Variants in SYNM observed in about 807,000 individuals in gnomAD.
The protein encoded by SYNM is desmuslin.
In SYNM, 95 loss-of-function variants were observed where a neutral mutation model predicts 104.0. The observed-to-expected ratio is 0.91, with a 90% CI of 0.77 to 1.08. SYNM has a LOEUF of 1.08. SYNM is among the 50% of genes least tolerant of loss of function. SYNM has a pLI of 0.00. For synonymous variants in SYNM, 918 were observed against 869.0 expected, an observed-to-expected ratio of 1.06 and a Z score of -0.99; for missense variants, 2,150 against 2,052.2, an observed-to-expected ratio of 1.05 and a Z score of -0.92.
chr15:99,139,831 C>A, downstream of SYNM: 1 of 1,056,324 alleles, frequency 9.5e-7, no homozygotes, highest in Non-Finnish European at 1.3e-6. Flanking sequence ...ATACTCTTGA[C>A]TACACAGCAA....
At chr15:99,115,709 A>C (rs1309434249) in intron 2 of SYNM, among the ~76,000 whole-genome samples, 1 of 151,944 alleles carries the variant, frequency 6.6e-6, no homozygotes, top group Admixed American at 6.6e-5. Context: ...TGATCCACCC[A>C]CCTCGCCGCC....
Position 99,105,797 on chromosome 15 carries a change from C to A in SYNM, c.598C>A (p.Gln200Lys). 2 of 1,541,420 alleles carry A rather than the reference C, an allele frequency of 1.3e-6. No homozygotes were observed. The highest frequency in any genetic ancestry group is 1.7e-6 in the Non-Finnish European group (2 of 1,145,084). ...LVAESWRETV[Q>K]LYEDEVRELE... ...GGCCGAGTCGTGGCGGGAGACGGTG[C>A]AGCTGTACGAGGACGAGGTGCGCGA... is the stretch of plus-strand genomic sequence containing the variant. Residue 200 changes from glutamine (Q) to lysine (K), a missense_variant, in exon 1 of 4, where the codon CAG becomes AAG. Transcript: ENST00000336292.
At chr15:99,113,510 C>G in intron 1 of SYNM, 81 bp from the exon 2 acceptor site, 2 of 1,564,266 alleles carry the variant, frequency 1.3e-6, no homozygotes, top group Non-Finnish European at 1.7e-6. Context: ...TTTTTCAATT[C>G]GATCCTGAAT....
intron 2 of SYNM, among the ~76,000 whole-genome samples, chr15:99,120,562 A>G (rs531995500): frequency 2.0e-4 from 30 of 152,222 alleles, no homozygotes; most frequent in African/African-American, 5.1e-4. Context: ...TCTGGAGACA[A>G]TTGATATGCA....
At chr15:99,139,199 G>T, downstream of SYNM, 1 of 1,296,462 alleles carries the variant, frequency 7.7e-7, no homozygotes, top group South Asian at 1.3e-5. Flanking sequence ...TGCAAGTTAT[G>T]GGAAGTCAGC....
Position 99,130,980 on chromosome 15 carries a change from CGAAG to C in SYNM, c.2623_2626del (p.Arg875GlyfsTer13). On this transcript the variant is annotated frameshift_variant, in exon 4 of 4. Transcript: ENST00000336292. LOFTEE classifies it high-confidence loss of function. ...GCAGGATGAAATCGTGCAGGGGACT[CGAAG>C]GAGGACACAGAAGGACGGTGCAGTG... The C allele has an allele frequency of 1.2e-6, 2 of 1,613,656 alleles. No homozygotes were observed. The highest frequency in any genetic ancestry group is 8.5e-7 in the Non-Finnish European group (1 of 1,179,784).
In SYNM at chr15:99,129,627, A is replaced by C. The variant is rs542158230; in HGVS notation, c.1267A>C (p.Thr423Pro). ...NSYGKAVSSQ[T>P]NVRTFSPTYG... ...ATACGGAAAAGCCGTCAGCAGTCAA[A>C]CCAACGTCAGAACTTTCTCTCCAAC... is the stretch of plus-strand genomic sequence containing the variant. Residue 423 changes from threonine to proline, a missense_variant, in exon 4 of 4, where the codon ACC (threonine) becomes CCC (proline). By Grantham distance (38) the Thr-to-Pro change is conservative (BLOSUM62 -1). Transcript: ENST00000336292. 6.2e-7 allele frequency: 1 copy of C among 1,613,960 alleles called. No homozygotes were observed. Among genetic ancestry groups the C allele is most frequent in the South Asian group, 1.1e-5 (1 of 91,078 alleles).
chr15:99,127,645 C>T (rs2067459760), intron 3 of SYNM, among the ~76,000 whole-genome samples: 1 of 152,166 alleles, frequency 6.6e-6, no homozygotes, highest in African/African-American at 2.4e-5. Flanking sequence ...TCTTAGACAA[C>T]ATGCAGCAAA....
chr15:99,138,888 C>T (rs565440580), downstream of SYNM, among the ~76,000 whole-genome samples: 10 of 152,320 alleles, frequency 6.6e-5, no homozygotes, highest in Non-Finnish European at 1.3e-4. Flanking sequence ...CACGGCAGAG[C>T]GCTGGGCCTC....
intron 2 of SYNM, among the ~76,000 whole-genome samples, chr15:99,124,308 T>C (rs370573082): frequency 1.3e-5 from 2 of 152,364 alleles, no homozygotes; most frequent in African/African-American, 4.8e-5. Flanking sequence ...GTCTTGTTGA[T>C]GCTTTCGCCG....
intron 1 of SYNM, among the ~76,000 whole-genome samples, chr15:99,111,327 A>G (rs1410153329): frequency 6.6e-6 from 1 of 152,250 alleles, no homozygotes; most frequent in Non-Finnish European, 1.5e-5. Flanking sequence ...AATTTCCTGT[A>G]GTAGGAAGGA....
chr15:99,138,243 G>A, downstream of SYNM: 2 of 1,269,424 alleles, frequency 1.6e-6, no homozygotes, highest in Non-Finnish European at 2.2e-6. Context: ...GACTTGGTAG[G>A]GGCTATAAAT....
rs1567284127 is a variant in SYNM, at chr15:99,131,047, C to T, written c.2687C>T (p.Pro896Leu). 1.9e-6 allele frequency: 3 copies of T among 1,608,586 alleles called. 1 individual carries two copies. The South Asian group carries it at 3.3e-5, about 18-fold the overall frequency. The change falls in exon 4 of 4, where the codon CCC (proline) becomes CTC (leucine). Residue 896 changes from proline to leucine, a missense_variant. Pro to Leu is a moderately conservative substitution (Grantham distance 98). Coordinates refer to ENST00000336292, the MANE Select transcript of SYNM (RefSeq NM_145728.3). This position sits in a 1 kb window ranked among gnomAD's most constrained non-coding sequence, Gnocchi z 4.3. The stretch of plus-strand genomic sequence containing the variant: ...GTGAAGCCCTTGGATGTCCCAGCGC[C>T]CTCTCTGGAGGGGGACCTGGGTTCC... Reference protein sequence around the residue: ...KVVKPLDVPAPSLEGDLGSTH... With the variant: ...KVVKPLDVPALSLEGDLGSTH...
chr15:99,140,169 C>A, downstream of SYNM: 1 of 159,878 alleles, frequency 6.3e-6, no homozygotes, highest in Non-Finnish European at 1.4e-5. Flanking sequence ...CAAGCCTTGA[C>A]AGATGACAGA....
At chr15:99,139,934 C>A, downstream of SYNM, 1 of 351,346 alleles carries the variant, frequency 2.8e-6, no homozygotes, top group Non-Finnish European at 5.2e-6. Flanking sequence ...TTAAGTCTTG[C>A]CATTTGATTG....
At chr15:99,138,025 G>C (rs1472333379), downstream of SYNM, 3 of 1,613,978 alleles carry the variant, frequency 1.9e-6, no homozygotes, top group African/African-American at 1.3e-5. Context: ...CTGCTGTTGT[G>C]CCGGGCCGGG....
chr15:99,139,570 G>C (rs781901603), downstream of SYNM: 154 of 1,543,446 alleles, frequency 1.0e-4, no homozygotes, highest in East Asian at 8.4e-4. Flanking sequence ...TGGATGTTCT[G>C]AGGGATCTAG....
chr15:99,129,864 G>T lies in SYNM; in HGVS notation c.1504G>T (p.Val502Leu), dbSNP rs782500160. The change falls in exon 4 of 4, where the codon GTG becomes TTG. Residue 502 changes from valine (V) to leucine (L), a missense_variant. Transcript: ENST00000336292. Reference sequence around the variant, plus strand: ...CGTCATTCTGGGAAAGAAAACAGAAGTGAAAGCCACGAGGGAGCAAGAAAG... The same window carrying T: ...CGTCATTCTGGGAAAGAAAACAGAATTGAAAGCCACGAGGGAGCAAGAAAG... The part of the protein sequence containing the change: ...RTVILGKKTE[V>L]KATREQERNR... The T allele has an allele frequency of 1.9e-6, 3 of 1,613,592 alleles. No individual in the cohort carries two copies. The highest frequency in any genetic ancestry group is 3.3e-4 in the Middle Eastern group (2 of 6,062).
intron 2 of SYNM, among the ~76,000 whole-genome samples, chr15:99,123,711 C>T (rs1474345956): frequency 1.3e-5 from 2 of 152,262 alleles, no homozygotes; most frequent in East Asian, 1.9e-4. Context: ...GGAAGCACCC[C>T]GTGAATCACC....
Sources: allele counts gnomAD v4.1 joint callset (sites outside exome capture counted in the v4.1 genomes callset), GRCh38; gene constraint gnomAD v4.1.1; non-coding constraint Gnocchi (gnomAD v3.1); transcripts MANE v1.5; gene names NCBI Gene and HGNC (gene_info 2026-07-23, HGNC 2026-07-21).